Variants in CTNNA1 observed in about 807,000 individuals in gnomAD.
CTNNA1 encodes catenin alpha 1.
In CTNNA1, 37 loss-of-function variants were observed where a neutral mutation model predicts 98.4. That is an observed-to-expected ratio of 0.38 (90% CI 0.29 to 0.49). The LOEUF (loss-of-function observed/expected upper bound fraction) is 0.49, where lower values mean the gene tolerates loss of function less well. Ranked by LOEUF, CTNNA1 falls within the 20% of genes least tolerant of loss-of-function variation. The probability of loss-of-function intolerance (pLI) is 0.95; values close to 1 mark genes in which losing one functional copy is unlikely to be tolerated. For missense variants in CTNNA1, 761 were observed against 1,147.2 expected (o/e 0.66, Z 4.86); for synonymous variants, 404 against 413.2 (o/e 0.98, Z 0.27).
chr5:138,797,928 C>T (rs1757148374), intron 3 of CTNNA1, among the ~76,000 whole-genome samples: 1 of 151,840 alleles, frequency 6.6e-6, no homozygotes, highest in Non-Finnish European at 1.5e-5. Flanking sequence ...ACGTAAGGCA[C>T]AGCAAGCTTT....
chr5:138,815,449 A>G (rs766404469), intron 5 of CTNNA1, among the ~76,000 whole-genome samples: 2 of 151,722 alleles, frequency 1.3e-5, no homozygotes, highest in Non-Finnish European at 2.9e-5. Context: ...GTCAAAGGAG[A>G]TAGAGTGATG....
chr5:138,932,860 A>G (rs1765670222), intron 17 of CTNNA1, 148 bp downstream of exon 17: 2 of 989,460 alleles, frequency 2.0e-6, no homozygotes, highest in Admixed American at 1.7e-5. Flanking sequence ...CTGGAGACCA[A>G]GGTCTGTCCA....
At chr5:138,888,178 G>A (rs928033378) in intron 9 of CTNNA1, among the ~76,000 whole-genome samples, 7 of 152,188 alleles carry the variant, frequency 4.6e-5, no homozygotes, top group African/African-American at 1.7e-4. Context: ...GCCCTGACAT[G>A]GGGCTAATTA....
intron 1 of CTNNA1, among the ~76,000 whole-genome samples, chr5:138,758,816 T>G (rs1752004428): frequency 1.3e-5 from 2 of 151,842 alleles, no homozygotes. Context: ...CAGTTTTTGT[T>G]TTTTTTTTGA....
At chr5:138,826,487 A>G (rs1471600843) in intron 6 of CTNNA1, among the ~76,000 whole-genome samples, 2 of 152,168 alleles carry the variant, frequency 1.3e-5, no homozygotes, top group Non-Finnish European at 2.9e-5. Flanking sequence ...ACCAGACCTC[A>G]CTAAATGCTA....
chr5:138,810,326 A>G (rs989898560), intron 4 of CTNNA1, 122 bp downstream of exon 4: 15 of 1,045,814 alleles, frequency 1.4e-5, no homozygotes, highest in Middle Eastern at 2.1e-4. Flanking sequence ...TCAATGGACC[A>G]GAGATGTTTT....
At chr5:138,922,046 A>G (rs1763024195) in intron 11 of CTNNA1, among the ~76,000 whole-genome samples, 1 of 152,096 alleles carries the variant, frequency 6.6e-6, no homozygotes, top group Non-Finnish European at 1.5e-5. Context: ...GCAGCCCTGC[A>G]TACGCTGCAT....
chr5:138,869,386 T>C (rs1196765145), intron 7 of CTNNA1: 1 of 151,926 alleles, frequency 6.6e-6, no homozygotes, highest in African/African-American at 2.4e-5. Flanking sequence ...TTTTTTTTTT[T>C]TTTCCTGGCT....
chr5:138,899,591 C>T (rs187272163), intron 9 of CTNNA1, among the ~76,000 whole-genome samples: 37 of 152,294 alleles, frequency 2.4e-4, no homozygotes, highest in Admixed American at 1.2e-3. Flanking sequence ...TCCAGCTCTG[C>T]GCAGTCTCTG....
intron 3 of CTNNA1, 79 bp downstream of exon 3, chr5:138,783,451 A>G: frequency 7.9e-7 from 1 of 1,260,968 alleles, no homozygotes; most frequent in Non-Finnish European, 1.1e-6. Flanking sequence ...TTTTGTGGTC[A>G]GTATTCTCAT....
chr5:138,819,748 A>T (rs917559043), intron 5 of CTNNA1, among the ~76,000 whole-genome samples: 6 of 151,456 alleles, frequency 4.0e-5, no homozygotes, highest in African/African-American at 1.5e-4. Context: ...TTTTCCCTGG[A>T]AGGGGAGTGA....
intron 10 of CTNNA1, among the ~76,000 whole-genome samples, chr5:138,911,995 A>G (rs1466733555): frequency 6.6e-6 from 1 of 152,172 alleles, no homozygotes; most frequent in Non-Finnish European, 1.5e-5. Context: ...GGGGAAAGAG[A>G]TAAGTTTTGG....
At chr5:138,841,971 A>G (rs1252643048) in intron 7 of CTNNA1, among the ~76,000 whole-genome samples, 1 of 152,218 alleles carries the variant, frequency 6.6e-6, no homozygotes, top group African/African-American at 2.4e-5. Context: ...TTATAGATTC[A>G]AACATGAAAG....
Position 138,874,386 on chromosome 5 carries a change from T to C in CTNNA1, c.1063-11826T>C. On this transcript the variant is annotated intron_variant, in intron 7 of 17. Coordinates refer to ENST00000302763, the MANE Select transcript of CTNNA1 (RefSeq NM_001903.5). The surrounding 1 kb of genome is among the most constrained non-coding windows in gnomAD (Gnocchi z 4.1). ...GACAGGCCCAGAGAGCCCTTGTCTG[T>C]GGCGTTTGGCACTGAGTGGAAGCCC... is the stretch of plus-strand genomic sequence containing the variant. The C allele has an allele frequency of 1.9e-6, 3 of 1,614,014 alleles. No homozygotes were observed. The highest frequency in any genetic ancestry group is 1.7e-5 in the Admixed American group (1 of 60,020).
At chr5:138,793,222 A>G (rs1421308741) in intron 3 of CTNNA1, among the ~76,000 whole-genome samples, 1 of 152,230 alleles carries the variant, frequency 6.6e-6, no homozygotes, top group Non-Finnish European at 1.5e-5. Flanking sequence ...GCTGGTTGTC[A>G]TCTGGGAATT....
At position 138,851,891 on chromosome 5, in the gene CTNNA1, A is replaced by G. The variant is rs188185690; in HGVS notation, c.1062+24173A>G. Among the ~76,000 whole-genome samples the G allele has an allele frequency of 5.4e-3, 816 of 152,242 alleles. 6 individuals are homozygous for G. Among genetic ancestry groups the G allele is most frequent in the Middle Eastern group, 0.031 (9 of 294 alleles). ...GCCAACATGGTGAAACCCCATCTCT[A>G]CAAAAATACAAACAAAACAAAACAA... On this transcript the variant is annotated intron_variant, in intron 7 of 17. Transcript: ENST00000302763.
chr5:138,804,801 A>G (rs1757917274), intron 3 of CTNNA1, among the ~76,000 whole-genome samples: 1 of 152,128 alleles, frequency 6.6e-6, no homozygotes, highest in Admixed American at 6.5e-5. Context: ...AAAAGTAGTT[A>G]TGGTTTTGGC....
At chr5:138,776,881 C>G (rs1187235206) in intron 1 of CTNNA1, among the ~76,000 whole-genome samples, 2 of 128,216 alleles carry the variant, frequency 1.6e-5, no homozygotes. Context: ...CCGGGCGGGG[C>G]GGCTGGCCGG....
At chr5:138,862,663 A>C (rs1764398898) in intron 7 of CTNNA1, among the ~76,000 whole-genome samples, 1 of 152,226 alleles carries the variant, frequency 6.6e-6, no homozygotes, top group South Asian at 2.1e-4. Context: ...ATTATAGTAC[A>C]TTTTGCAAAG....
Sources: allele counts gnomAD v4.1 joint callset (sites outside exome capture counted in the v4.1 genomes callset), GRCh38; gene constraint gnomAD v4.1.1; non-coding constraint Gnocchi (gnomAD v3.1); transcripts MANE v1.5; gene names NCBI Gene and HGNC (gene_info 2026-07-23, HGNC 2026-07-21).